TET2: variants seen among roughly 807,000 people sequenced by gnomAD.
TET2 encodes tet methylcytosine dioxygenase 2, also known as methylcytosine dioxygenase TET2.
In TET2, 299 loss-of-function variants were observed where a neutral mutation model predicts 142.9. The ratio of observed to expected loss-of-function variants is 2.09; its 90% CI spans 1.90 to 2.30. The LOEUF is 2.30. Among genes scored for constraint, TET2 ranks in the 30% most tolerant of loss-of-function variants. The pLI, the probability that TET2 is intolerant of heterozygous loss-of-function variation, is 0.00. For synonymous variants in TET2, 819 were observed against 849.0 expected (o/e 0.96, Z 0.61); for missense variants, 2,418 against 2,378.0 (o/e 1.02, Z -0.35).
At chr4:105,169,792 A>G (rs768317905) in intron 1 of TET2, among the ~76,000 whole-genome samples, 5 of 152,140 alleles carry the variant, frequency 3.3e-5, no homozygotes, top group African/African-American at 4.8e-5. Flanking sequence ...TCATTCTTCT[A>G]TATGTGGCTT....
At chr4:105,162,659 C>A (rs1320859147) in intron 1 of TET2, among the ~76,000 whole-genome samples, 1 of 152,186 alleles carries the variant, frequency 6.6e-6, no homozygotes, top group East Asian at 1.9e-4. Flanking sequence ...GTAACTTAAC[C>A]ATCTCTAATA....
At chr4:105,240,274 A>T in intron 3 of TET2, 4 of 908,728 alleles carry the variant, frequency 4.4e-6, no homozygotes, top group Non-Finnish European at 5.5e-6. Context: ...AAGTCACAGT[A>T]ACTGTGACTC....
At chr4:105,152,598 CTTT>C (rs869064512) in intron 1 of TET2, among the ~76,000 whole-genome samples, 96 of 23,550 alleles carry the variant, frequency 4.1e-3, no homozygotes, top group Non-Finnish European at 7.6e-3. Context: ...TTCTTTCTTT[CTTT>C]TTTTTTTTTT....
At chr4:105,183,262 AT>A (rs1725228671) in intron 1 of TET2, among the ~76,000 whole-genome samples, 1 of 152,134 alleles carries the variant, frequency 6.6e-6, no homozygotes, top group African/African-American at 2.4e-5. Flanking sequence ...GGAATAGAAT[AT>A]ATATTGTAAA....
At chr4:105,267,728 C>T (rs1309775707) in intron 8 of TET2, among the ~76,000 whole-genome samples, 2 of 151,126 alleles carry the variant, frequency 1.3e-5, no homozygotes, top group African/African-American at 4.9e-5. Flanking sequence ...TTTAACACCC[C>T]TAATTATAAG....
intron 1 of TET2, among the ~76,000 whole-genome samples, chr4:105,180,130 A>AGCC (rs1725030960): frequency 6.6e-6 from 1 of 152,222 alleles, no homozygotes; most frequent in Non-Finnish European, 1.5e-5. Context: ...TAGATGTTCC[A>AGCC]GCCTTCACTT....
At chr4:105,237,397 T>G in intron 3 of TET2, 46 bp downstream of exon 3, 1 of 1,614,058 alleles carries the variant, frequency 6.2e-7, no homozygotes, top group Admixed American at 1.7e-5. Context: ...TATCCAGAAT[T>G]AGCAAATTTA....
At chr4:105,155,764 A>G (rs1013472365) in intron 1 of TET2, among the ~76,000 whole-genome samples, 1 of 152,238 alleles carries the variant, frequency 6.6e-6, no homozygotes, top group Admixed American at 6.5e-5. Flanking sequence ...TTTAAGGTAC[A>G]CATGTGATTG....
intron 6 of TET2, among the ~76,000 whole-genome samples, chr4:105,248,665 T>C (rs575282511): frequency 6.6e-6 from 1 of 152,330 alleles, no homozygotes; most frequent in Admixed American, 6.5e-5. Flanking sequence ...ATAATTCACA[T>C]ACCATAAAAT....
chr4:105,257,877 A>G (rs1730219118), intron 6 of TET2, among the ~76,000 whole-genome samples: 1 of 152,196 alleles, frequency 6.6e-6, no homozygotes, highest in African/African-American at 2.4e-5. Flanking sequence ...GGTGAACTCC[A>G]AGTTAGATAA....
Position 105,242,893 on chromosome 4 carries a change from G to C in TET2, c.3560G>C (p.Gly1187Ala). 1 of 1,551,492 alleles carries C rather than the reference G, an allele frequency of 6.4e-7. No individual in the cohort carries two copies. Among genetic ancestry groups the C allele is most frequent in the Non-Finnish European group, 8.7e-7 (1 of 1,146,922 alleles). ...AGAGTCATCTATACTGGTAAAGAAG[G>C]CAAAAGTTCTCAGGGATGTCCTATT... ...IERVIYTGKE[G>A]KSSQGCPIAK... The change falls in exon 5 of 11, where the codon GGC becomes GCC. Residue 1187 changes from glycine to alanine, a missense_variant. Gly to Ala is a moderately conservative substitution (Grantham distance 60). Transcript: ENST00000380013.
At chr4:105,158,893 C>G (rs1411590789) in intron 1 of TET2, among the ~76,000 whole-genome samples, 1 of 151,962 alleles carries the variant, frequency 6.6e-6, no homozygotes, top group Non-Finnish European at 1.5e-5. Context: ...ATTTTTAGGG[C>G]CAAAAAATAG....
intron 2 of TET2, among the ~76,000 whole-genome samples, chr4:105,231,647 C>A (rs1728508918): frequency 6.6e-6 from 1 of 152,120 alleles, no homozygotes; most frequent in Non-Finnish European, 1.5e-5. Flanking sequence ...TATTCTTATT[C>A]TATTTCATTT....
chr4:105,146,535 G>A (rs556059531), upstream of TET2: 140 of 152,572 alleles, frequency 9.2e-4, no homozygotes, highest in Middle Eastern at 3.4e-3. Context: ...GGTGCCGCCG[G>A]CCTTTGTGCT....
At chr4:105,258,161 T>C (rs1578714158) in intron 6 of TET2, among the ~76,000 whole-genome samples, 1 of 152,162 alleles carries the variant, frequency 6.6e-6, no homozygotes, top group Non-Finnish European at 1.5e-5. Context: ...CTTGAACAAA[T>C]TCTCCCTATA....
chr4:105,251,507 TTATTC>T (rs1240287577), intron 6 of TET2, among the ~76,000 whole-genome samples: 4 of 152,232 alleles, frequency 2.6e-5, no homozygotes, highest in Admixed American at 6.5e-5. Context: ...TTCTTCTCCT[TTATTC>T]TATTAATATG....
intron 3 of TET2, chr4:105,240,839 G>A: frequency 9.3e-7 from 1 of 1,079,088 alleles, no homozygotes; most frequent in Non-Finnish European, 1.1e-6. Flanking sequence ...TTGCAAAACA[G>A]CAATTAAATG....
At chr4:105,262,627 A>T (rs1483644208) in intron 8 of TET2, among the ~76,000 whole-genome samples, 2 of 152,078 alleles carry the variant, frequency 1.3e-5, no homozygotes, top group Non-Finnish European at 2.9e-5. Flanking sequence ...CACACCTTTA[A>T]TCCCAACACT....
At chr4:105,187,556 A>G (rs1054422148) in intron 1 of TET2, among the ~76,000 whole-genome samples, 2 of 152,188 alleles carry the variant, frequency 1.3e-5, no homozygotes, top group African/African-American at 2.4e-5. Context: ...AGAATTATCT[A>G]TTTATCTCAT....
Sources: gnomAD v4.1 joint callset for allele counts (sites outside exome capture counted in the v4.1 genomes callset) on GRCh38, gnomAD v4.1.1 for gene constraint, MANE v1.5 for transcripts, NCBI Gene and HGNC (gene_info 2026-07-23, HGNC 2026-07-21) for gene names.